TRPM3: variants seen among roughly 807,000 people sequenced by gnomAD.
The protein encoded by TRPM3 is long transient receptor potential channel 3.
A neutral mutation model predicts 181.2 loss-of-function variants in TRPM3; 77 were observed. The observed-to-expected ratio is 0.42, with a 90% confidence interval of 0.35 to 0.51. The LOEUF (loss-of-function observed/expected upper bound fraction) is 0.51, where lower values mean the gene tolerates loss of function less well. TRPM3 is among the 20% of genes least tolerant of loss of function. The pLI is 0.01. For missense variants in TRPM3, 1,759 were observed against 2,196.7 expected, an observed-to-expected ratio of 0.80 and a Z score of 3.98; for synonymous variants, 745 against 796.4, an observed-to-expected ratio of 0.94 and a Z score of 1.09.
intron 1 of TRPM3, among the ~76,000 whole-genome samples, chr9:71,370,001 C>T (rs917285933): frequency 6.6e-6 from 1 of 152,208 alleles, no homozygotes; most frequent in Admixed American, 6.5e-5. Flanking sequence ...TCTGTGATCA[C>T]CAATCTTTGA....
rs2041722471 is a variant in TRPM3, at chr9:70,536,276, C to T, written c.4837G>A (p.Glu1613Lys). Residue 1613 changes from glutamate to lysine, a missense_variant, in exon 26 of 26, where the codon GAG becomes AAG. Transcript: ENST00000677713. ...ATGGTGGCTCTGCGGCCTTTGGCCT[C>T]ATTCTCCTCACTGTCAGAGCTGGGG... ...SHPSSDSEEN[E>K]AKGRRATIAI... is the part of the protein sequence containing the mutation. The T allele has an allele frequency of 6.2e-7, 1 of 1,614,062 alleles. No homozygotes were observed. The highest frequency in any genetic ancestry group is 1.7e-5 in the Admixed American group (1 of 60,006).
At chr9:71,444,824 C>T (rs540795483) in intron 1 of TRPM3, among the ~76,000 whole-genome samples, 1 of 152,320 alleles carries the variant, frequency 6.6e-6, no homozygotes, top group African/African-American at 2.4e-5. Context: ...ACCTCACTAT[C>T]TTTGTTTAAA....
At chr9:71,231,000 C>G (rs934007638) in intron 1 of TRPM3, among the ~76,000 whole-genome samples, 5 of 152,104 alleles carry the variant, frequency 3.3e-5, no homozygotes, top group African/African-American at 7.2e-5. Flanking sequence ...ACAATTTAAC[C>G]AGTTTTTCCT....
intron 1 of TRPM3, among the ~76,000 whole-genome samples, chr9:71,277,088 A>T (rs1402364807): frequency 1.3e-5 from 2 of 152,178 alleles, no homozygotes; most frequent in African/African-American, 4.8e-5. Context: ...AATTACCAAA[A>T]CAGATACAAC....
intron 6 of TRPM3, among the ~76,000 whole-genome samples, chr9:70,803,455 T>TTTTTTTTTTG (rs1564368560): frequency 1.0e-4 from 15 of 147,960 alleles, no homozygotes; most frequent in African/African-American, 3.0e-4. Context: ...TTTGTTGTTT[T>TTTTTTTTTTG]TTTTTTTTTT....
At chr9:70,806,232 A>T (rs192927206) in intron 6 of TRPM3, among the ~76,000 whole-genome samples, 1 of 152,274 alleles carries the variant, frequency 6.6e-6, no homozygotes, top group Admixed American at 6.5e-5. Flanking sequence ...ACAGAAGGAG[A>T]ACAGCCTGTT....
chr9:71,239,680 T>C (rs533081289), intron 1 of TRPM3, among the ~76,000 whole-genome samples: 26 of 152,154 alleles, frequency 1.7e-4, no homozygotes, highest in Admixed American at 7.2e-4. Context: ...AAATGCAATA[T>C]ACCATTTAAA....
At chr9:70,571,357 G>A (rs752768245) in intron 22 of TRPM3, among the ~76,000 whole-genome samples, 1 of 152,082 alleles carries the variant, frequency 6.6e-6, no homozygotes, top group Non-Finnish European at 1.5e-5. Context: ...ACGAGTTGTT[G>A]CTGATATGTG....
chr9:70,574,567 G>A (rs2053418920), intron 22 of TRPM3, among the ~76,000 whole-genome samples: 1 of 152,188 alleles, frequency 6.6e-6, no homozygotes, highest in Admixed American at 6.5e-5. Context: ...TTATGATTAA[G>A]TATTTATTTG....
intron 1 of TRPM3, among the ~76,000 whole-genome samples, chr9:71,032,488 A>C (rs2057660908): frequency 6.6e-6 from 1 of 151,974 alleles, no homozygotes; most frequent in African/African-American, 2.4e-5. Flanking sequence ...ACAGTTTTTC[A>C]GTGAGGATCC....
At chr9:70,575,238 A>C (rs1364001761) in intron 22 of TRPM3, among the ~76,000 whole-genome samples, 4 of 151,898 alleles carry the variant, frequency 2.6e-5, no homozygotes, top group African/African-American at 4.8e-5. Context: ...CCTAGAAGGC[A>C]CCTGGGTATT....
At chr9:70,776,485 G>A in intron 7 of TRPM3, 1 of 642,050 alleles carries the variant, frequency 1.6e-6, no homozygotes, top group South Asian at 1.6e-5. Context: ...TATATATTTT[G>A]AGCTAGTCAA....
At chr9:70,553,102 A>T (rs2046844404) in intron 23 of TRPM3, 58 bp downstream of exon 23, 1 of 1,612,898 alleles carries the variant, frequency 6.2e-7, no homozygotes, top group Non-Finnish European at 8.5e-7. Flanking sequence ...TGAAGCATCG[A>T]CTCCCCTTCA....
chr9:70,534,439 A>C lies in TRPM3; in HGVS notation c.*1514T>G, dbSNP rs1220911471. ...GTATATTAAAAAAAATCTTGATTAT[A>C]CTTCAAGGTGATAGAAAAGTCCAAG... On this transcript the variant is annotated 3_prime_UTR_variant, in exon 26 of 26. Transcript: ENST00000677713. 6.6e-6 allele frequency: 1 copy of C among 152,222 alleles called. No individual in the cohort carries two copies. The highest frequency in any genetic ancestry group is 1.5e-5 in the Non-Finnish European group (1 of 68,036). The allele number at this position is 152,222 out of a possible 1,614,324, so 9.4% of individuals were successfully genotyped here. A position where few individuals can be genotyped will look rare whatever the true frequency, so the allele number is the denominator to read the frequency against.
At chr9:70,997,824 G>A (rs1016047676) in intron 1 of TRPM3, among the ~76,000 whole-genome samples, 1 of 152,056 alleles carries the variant, frequency 6.6e-6, no homozygotes, top group Non-Finnish European at 1.5e-5. Context: ...TTGGGAGGGT[G>A]AACTGTTGTA....
chr9:70,814,300 G>T (rs1295072407), intron 6 of TRPM3, among the ~76,000 whole-genome samples: 1 of 152,146 alleles, frequency 6.6e-6, no homozygotes, highest in Non-Finnish European at 1.5e-5. Flanking sequence ...CGGGTTGTAG[G>T]ACACTGGGGA....
rs1168248409 is a variant in TRPM3 at position 71,192,942 on chromosome 9, A to C, written c.183+253711T>G. 2.6e-5 allele frequency among the ~76,000 whole-genome samples: 4 copies of C among 152,022 alleles called. No homozygotes were observed. The East Asian group carries it at 7.7e-4, about 29-fold the overall frequency. On this transcript the variant is annotated intron_variant, in intron 1 of 24. Coordinates refer to the TRPM3 transcript ENST00000357533. ...CAGTGTATAAATAGGCCAAGACATC[A>C]TGCTGTCAAATACATATCATTTTTG...
At chr9:70,554,093 G>T (rs1033506865) in intron 22 of TRPM3, among the ~76,000 whole-genome samples, 2 of 151,486 alleles carry the variant, frequency 1.3e-5, no homozygotes, top group African/African-American at 4.9e-5. Context: ...TGGAGGTGGG[G>T]GTGAGGAGGA....
At chr9:70,917,088 C>T (rs752027841) in intron 1 of TRPM3, 2 of 1,600,178 alleles carry the variant, frequency 1.2e-6, no homozygotes, top group African/African-American at 2.7e-5. Flanking sequence ...TGCAACAGGT[C>T]CACTTTCAGA....
Sources: gnomAD v4.1 joint callset for allele counts (sites outside exome capture counted in the v4.1 genomes callset) on GRCh38, gnomAD v4.1.1 for gene constraint, MANE v1.5 for transcripts, NCBI Gene and HGNC (gene_info 2026-07-23, HGNC 2026-07-21) for gene names.